Variants in CADPS observed in about 807,000 individuals in gnomAD.
CADPS encodes the protein calcium-dependent secretion activator 1.
CADPS carries 57 observed loss-of-function variants against 167.3 expected under a neutral mutation model. The observed-to-expected ratio is 0.34, with a 90% CI of 0.28 to 0.42. CADPS has a LOEUF of 0.42. CADPS is among the 20% of genes least tolerant of loss of function. The pLI, the probability that CADPS is intolerant of heterozygous loss-of-function variation, is 1.00. For missense variants in CADPS, 1,414 were observed against 1,738.1 expected, an observed-to-expected ratio of 0.81 and a Z score of 3.32; for synonymous variants, 676 against 635.3, an observed-to-expected ratio of 1.06 and a Z score of -0.96.
intron 10 of CADPS, among the ~76,000 whole-genome samples, chr3:62,554,308 A>G (rs1562070169): frequency 6.6e-6 from 1 of 152,230 alleles, no homozygotes; most frequent in Non-Finnish European, 1.5e-5. Flanking sequence ...GAACACGTCA[A>G]GGACCCAAAC....
intron 1 of CADPS, among the ~76,000 whole-genome samples, chr3:62,831,507 C>T (rs1032670417): frequency 6.6e-6 from 1 of 152,066 alleles, no homozygotes. Context: ...GGTTCCATTA[C>T]CAAATTACTG....
At chr3:62,650,016 A>G (rs926573569) in intron 5 of CADPS, among the ~76,000 whole-genome samples, 5 of 152,176 alleles carry the variant, frequency 3.3e-5, no homozygotes, top group Admixed American at 2.6e-4. Context: ...ATTTTGGGCT[A>G]TTATAAATAA....
intron 7 of CADPS, among the ~76,000 whole-genome samples, 193 bp downstream of exon 7, chr3:62,592,444 A>T (rs557728017): frequency 2.6e-5 from 4 of 152,310 alleles, no homozygotes; most frequent in Non-Finnish European, 5.9e-5. Flanking sequence ...TTTGTAGAAG[A>T]GAATCTGAGG....
intron 26 of CADPS, among the ~76,000 whole-genome samples, chr3:62,460,744 T>A (rs1337684762): frequency 6.6e-6 from 1 of 152,212 alleles, no homozygotes. Flanking sequence ...CTGTTTTGTT[T>A]CATTTCCAGG....
intron 9 of CADPS, among the ~76,000 whole-genome samples, chr3:62,558,699 G>C (rs189271183): frequency 2.0e-5 from 3 of 152,150 alleles, no homozygotes. Context: ...GAGAGATGAA[G>C]GGTGTCCGCA....
chr3:62,557,758 T>A (rs957623795), intron 9 of CADPS, among the ~76,000 whole-genome samples: 1 of 152,234 alleles, frequency 6.6e-6, no homozygotes, highest in African/African-American at 2.4e-5. Context: ...CTGAATGAGT[T>A]CACGTGGGGA....
At chr3:62,746,110 T>C (rs2081386076) in intron 3 of CADPS, among the ~76,000 whole-genome samples, 1 of 152,138 alleles carries the variant, frequency 6.6e-6, no homozygotes, top group South Asian at 2.1e-4. Flanking sequence ...GGGCAAACAA[T>C]GTTTGGATGC....
intron 1 of CADPS, among the ~76,000 whole-genome samples, chr3:62,798,723 C>A (rs1440297738): frequency 6.6e-6 from 1 of 152,094 alleles, no homozygotes; most frequent in African/African-American, 2.4e-5. Context: ...GTGTTAGGTA[C>A]TTTTTCCTGC....
chr3:62,666,027 G>C (rs2074334265), intron 3 of CADPS, among the ~76,000 whole-genome samples: 1 of 152,240 alleles, frequency 6.6e-6, no homozygotes, highest in Non-Finnish European at 1.5e-5. Context: ...AGGTTCAGAA[G>C]AGAAGGCACC....
intron 1 of CADPS, among the ~76,000 whole-genome samples, chr3:62,811,491 T>C (rs2152869900): frequency 6.6e-6 from 1 of 152,308 alleles, no homozygotes; most frequent in Middle Eastern, 3.4e-3. Flanking sequence ...AACCTACCAT[T>C]TGTAGATTAA....
chr3:62,518,333 C>A, intron 13 of CADPS, 83 bp from the exon 14 acceptor site: 1 of 1,038,726 alleles, frequency 9.6e-7, no homozygotes, highest in South Asian at 1.4e-5. Context: ...GGAAACTGTC[C>A]ATTTTAGAAG....
chr3:62,873,447 G>A (rs1349055910), intron 1 of CADPS, among the ~76,000 whole-genome samples: 1 of 152,082 alleles, frequency 6.6e-6, no homozygotes, highest in Non-Finnish European at 1.5e-5. Flanking sequence ...GATAGCTCAA[G>A]TGCTGCAAAT....
intron 13 of CADPS, among the ~76,000 whole-genome samples, 155 bp downstream of exon 13, chr3:62,532,714 CCT>C (rs1491260103): frequency 6.3e-5 from 5 of 79,234 alleles, no homozygotes; most frequent in Non-Finnish European, 9.8e-5. Flanking sequence ...AAGTTAGTGC[CCT>C]TTGTGTGTGT....
intron 3 of CADPS, among the ~76,000 whole-genome samples, chr3:62,665,102 A>G (rs1462922084): frequency 1.3e-5 from 2 of 152,198 alleles, no homozygotes; most frequent in African/African-American, 2.4e-5. Flanking sequence ...ACCAAACACC[A>G]AATACCCTAT....
At chr3:62,801,298 A>G (rs2093748301) in intron 1 of CADPS, among the ~76,000 whole-genome samples, 1 of 152,032 alleles carries the variant, frequency 6.6e-6, no homozygotes, top group African/African-American at 2.4e-5. Context: ...CTGCCCCACA[A>G]CTGTTCTTTG....
rs1577048474 is a variant in CADPS, at chr3:62,512,646, G to T, written c.2599+105C>A. On this transcript the variant is annotated intron_variant, in intron 17 of 29. Coordinates refer to ENST00000383710, the MANE Select transcript of CADPS (RefSeq NM_003716.4). ...TTAAGTATTATTGCAACTCCACATG[G>T]CTCTCTGGGAGTACAAACCTTAAGG... The T allele has an allele frequency of 5.4e-6, 4 of 740,902 alleles. No individual in the cohort carries two copies. The East Asian group carries it at 8.1e-5, about 15-fold the overall frequency. The allele number at this position is 740,902 out of a possible 1,614,324, so 45.9% of individuals were successfully genotyped here. A position where few individuals can be genotyped will look rare whatever the true frequency, so the allele number is the denominator to read the frequency against.
chr3:62,415,055 G>A (rs528207842), intron 28 of CADPS, among the ~76,000 whole-genome samples: 2 of 152,248 alleles, frequency 1.3e-5, no homozygotes, highest in Non-Finnish European at 2.9e-5. Context: ...CTGGTGGCCC[G>A]AGGCACAGGC....
rs372701108 is a variant in CADPS, at chr3:62,852,053, C to A, written c.441+22536G>T. Among the ~76,000 whole-genome samples the A allele has an allele frequency of 4.4e-3, 653 of 147,556 alleles. 6 individuals carry two copies. The highest frequency in any genetic ancestry group is 0.016 in the African/African-American group (631 of 39,794). On this transcript the variant is annotated intron_variant, in intron 1 of 29. Transcript: ENST00000383710. ...TCTTCCATTGCTGATACCCTTTCTT[C>A]CAGTTGATCGCATCGGCTCCTGAGG...
intron 1 of CADPS, among the ~76,000 whole-genome samples, chr3:62,873,615 G>T (rs997282299): frequency 1.1e-5 from 1 of 88,108 alleles, no homozygotes; most frequent in Non-Finnish European, 2.3e-5. Context: ...AGAAATAGGC[G>T]CCTTTTTTTT....
Sources: allele counts gnomAD v4.1 joint callset (sites outside exome capture counted in the v4.1 genomes callset), GRCh38; gene constraint gnomAD v4.1.1; transcripts MANE v1.5; gene names NCBI Gene and HGNC (gene_info 2026-07-23, HGNC 2026-07-21).